The following COL4A4 variants were observed in gnomAD, a reference collection of about 807,000 sequenced individuals.
COL4A4 encodes the protein collagen type IV alpha 4 chain.
In COL4A4, 105 loss-of-function variants were observed where a neutral mutation model predicts 192.9. That is an observed-to-expected ratio of 0.54 (90% CI 0.46 to 0.64). The LOEUF (loss-of-function observed/expected upper bound fraction) is 0.64, where lower values mean the gene tolerates loss of function less well. COL4A4 is among the 30% of genes least tolerant of loss of function. The pLI, the probability that COL4A4 is intolerant of heterozygous loss-of-function variation, is 0.00. For synonymous variants in COL4A4, 762 were observed against 769.9 expected (o/e 0.99, Z 0.17); for missense variants, 1,967 against 2,169.3 (o/e 0.91, Z 1.85).
At position 227,098,711 on chromosome 2, in the gene COL4A4, G is replaced by A. The variant is rs961987102; in HGVS notation, c.1187C>T (p.Pro396Leu). Residue 396 changes from proline (P) to leucine (L), a missense_variant, in exon 19 of 48, where the codon CCA (proline) becomes CTA (leucine). Pro to Leu is a moderately conservative substitution (Grantham distance 98, BLOSUM62 -3). Coordinates refer to ENST00000396625, the MANE Select transcript of COL4A4 (RefSeq NM_000092.5). ...PPGPPGLLGRPGEACAGMIGP... is the reference protein window; with the variant it reads ...PPGPPGLLGRLGEACAGMIGP... Reference sequence around the variant, plus strand: ...ATCCGTACCTGCACAGGCTTCCCCTGGTCTGCCCAAGAGACCTGGGGGACC... The same window carrying A: ...ATCCGTACCTGCACAGGCTTCCCCTAGTCTGCCCAAGAGACCTGGGGGACC... 3 of 1,613,936 alleles carry A rather than the reference G, an allele frequency of 1.9e-6. No homozygotes were observed. The highest frequency in any genetic ancestry group is 1.3e-5 in the African/African-American group (1 of 75,048).
At chr2:227,114,793 A>G (rs2061403582) in intron 7 of COL4A4, 97 bp from the exon 8 acceptor site, 1 of 951,732 alleles carries the variant, frequency 1.1e-6, no homozygotes, top group Admixed American at 1.8e-5. Flanking sequence ...AGTTAAAATT[A>G]CCATTATTGA....
At chr2:227,002,411 A>G (rs1387390733), downstream of COL4A4, among the ~76,000 whole-genome samples, 3 of 152,210 alleles carry the variant, frequency 2.0e-5, no homozygotes, top group African/African-American at 4.8e-5. Context: ...CACTCAACTA[A>G]TGAGACAGCT....
At chr2:227,047,399 C>T in intron 35 of COL4A4, 76 bp downstream of exon 35, 1 of 1,030,210 alleles carries the variant, frequency 9.7e-7, no homozygotes, top group Non-Finnish European at 1.5e-6. Context: ...ACGATCATTG[C>T]CAGCTAGAAG....
chr2:227,104,353 G>A (rs1476679738), intron 12 of COL4A4, among the ~76,000 whole-genome samples: 2 of 150,096 alleles, frequency 1.3e-5, no homozygotes, highest in African/African-American at 4.9e-5. Context: ...GGTGGATCAC[G>A]AGGTCAGGAG....
chr2:227,105,347 G>A (rs547292231), intron 12 of COL4A4, among the ~76,000 whole-genome samples: 67 of 151,550 alleles, frequency 4.4e-4, no homozygotes, highest in Non-Finnish European at 5.3e-4. Flanking sequence ...ATGCACCATC[G>A]TGCCCAGCTA....
the COL4A4 span, among the ~76,000 whole-genome samples, chr2:226,994,817 T>C: frequency 0.034 from 5,252 of 152,286 alleles, 288 homozygotes; most frequent in African/African-American, 0.12. Context: ...TTTGCATCCC[T>C]AAGAAACTCT....
chr2:227,051,119 T>G lies in COL4A4; in HGVS notation c.3008A>C (p.Glu1003Ala), dbSNP rs1310963588. Residue 1003 changes from glutamate to alanine, a missense_variant, in exon 33 of 48, where the codon GAG becomes GCG. By Grantham distance (107) the Glu-to-Ala change is moderately radical. Transcript: ENST00000396625. ...TCCAGGTGGTCCGTATCTTCCCGGC[T>G]CTCCTCTTCTCCCTTGCATCCCGGG... ...GTPGMQGRRG[E>A]PGRYGPPGFH... 6.2e-7 allele frequency: 1 copy of G among 1,614,084 alleles called. No homozygotes were observed. Among genetic ancestry groups the G allele is most frequent in the Non-Finnish European group, 8.5e-7 (1 of 1,179,996 alleles).
the COL4A4 span, chr2:226,995,487 AG>A: frequency 1.2e-6 from 2 of 1,613,120 alleles, no homozygotes; most frequent in African/African-American, 2.7e-5. Context: ...AGAAGAAATG[AG>A]GAGACAGCGG....
chr2:227,086,958 A>C (rs907402122), intron 22 of COL4A4, among the ~76,000 whole-genome samples: 1 of 152,172 alleles, frequency 6.6e-6, no homozygotes, highest in Non-Finnish European at 1.5e-5. Flanking sequence ...TTAATCATTA[A>C]CTTCACTTAA....
At chr2:227,117,734 G>A (rs1407071360) in intron 7 of COL4A4, among the ~76,000 whole-genome samples, 1 of 151,510 alleles carries the variant, frequency 6.6e-6, no homozygotes, top group Non-Finnish European at 1.5e-5. Flanking sequence ...AAGAGAGAAA[G>A]AAAGGGAATA....
chr2:227,059,240 A>G (rs904407702), intron 28 of COL4A4, among the ~76,000 whole-genome samples, 165 bp downstream of exon 28: 3 of 152,250 alleles, frequency 2.0e-5, no homozygotes, highest in African/African-American at 7.2e-5. Flanking sequence ...AAGGCTAGAG[A>G]TTCAGGTTAT....
intron 37 of COL4A4, among the ~76,000 whole-genome samples, chr2:227,033,686 C>T (rs1968913708): frequency 6.6e-6 from 1 of 152,230 alleles, no homozygotes; most frequent in Admixed American, 6.5e-5. Context: ...GCCAAGACAG[C>T]TTAACACAAA....
At chr2:226,984,150 C>T in the COL4A4 span, among the ~76,000 whole-genome samples, 25 of 152,364 alleles carry the variant, frequency 1.6e-4, no homozygotes, top group African/African-American at 5.3e-4. Flanking sequence ...CACTGGGGGT[C>T]TGCCCAGCAG....
chr2:227,090,067 C>T (rs2059831733), intron 20 of COL4A4, 110 bp from the exon 21 acceptor site: 1 of 772,552 alleles, frequency 1.3e-6, no homozygotes. Context: ...GCTTCCTTTC[C>T]CAACCCCATT....
intron 26 of COL4A4, 139 bp downstream of exon 26, chr2:227,062,391 T>G (rs1252723721): frequency 1.5e-6 from 1 of 686,892 alleles, no homozygotes; most frequent in East Asian, 2.7e-5. Flanking sequence ...CAAATGCTGT[T>G]TTCCCCTATC....
intron 1 of COL4A4, among the ~76,000 whole-genome samples, chr2:227,158,739 T>C (rs905733959): frequency 2.1e-4 from 30 of 142,960 alleles, no homozygotes; most frequent in African/African-American, 7.0e-4. Context: ...ACATCGTTAG[T>C]TATTGGAGAA....
chr2:227,041,846 A>AGAGAGAGAGAGAGAG (rs1971273307), intron 37 of COL4A4, among the ~76,000 whole-genome samples: 4 of 39,320 alleles, frequency 1.0e-4, no homozygotes, highest in African/African-American at 5.4e-4. Context: ...GAAAGAAAGA[A>AGAGAGAGAGAGAGAG]AGAGAAAGAA....
the COL4A4 span, chr2:226,997,684 T>C: frequency 6.6e-6 from 1 of 152,236 alleles, no homozygotes; most frequent in African/African-American, 2.4e-5. Flanking sequence ...CTGTTTGACT[T>C]GTCAGATACA....
rs550842570 is a variant in COL4A4 at position 227,059,157 on chromosome 2, C to T, written c.2383+248G>A. Among the ~76,000 whole-genome samples, 19 of 152,256 alleles carry T rather than the reference C, an allele frequency of 1.2e-4. No individual in the cohort carries two copies. In the South Asian group the frequency reaches 1.7e-3, roughly 13 times the overall value. On this transcript the variant is annotated intron_variant, in intron 28 of 47. Transcript: ENST00000396625. ...CTTTGCAGCACCAACATACTAGCTG[C>T]GGAATCAAATTGAGTTGAATGAACC...
Sources: gnomAD v4.1 joint callset for allele counts (sites outside exome capture counted in the v4.1 genomes callset) on GRCh38, gnomAD v4.1.1 for gene constraint, MANE v1.5 for transcripts, NCBI Gene and HGNC (gene_info 2026-07-23, HGNC 2026-07-21) for gene names.